Variants in SLC38A7 observed in about 807,000 individuals in gnomAD.
SLC38A7 encodes sodium-coupled neutral amino acid transporter 7.
A neutral mutation model predicts 50.1 loss-of-function variants in SLC38A7; 29 were observed. That is an observed-to-expected ratio of 0.58 (90% CI 0.43 to 0.79). The LOEUF (loss-of-function observed/expected upper bound fraction) is 0.79, where lower values mean the gene tolerates loss of function less well. SLC38A7 is among the 30% of genes least tolerant of loss of function. The pLI, the probability that SLC38A7 is intolerant of heterozygous loss-of-function variation, is 0.00. For missense variants in SLC38A7, 483 were observed against 610.6 expected, an observed-to-expected ratio of 0.79 and a Z score of 2.20; for synonymous variants, 244 against 245.9, an observed-to-expected ratio of 0.99 and a Z score of 0.07.
rs1400025422 is a variant in SLC38A7, at chr16:58,665,884, ACT to A, written c.*1499_*1500del. ...TGAGGAGGCTGGTAAGAGAGCCCCC[ACT>A]GTCCCCAATTATGTGCGTGGGAGAG... On this transcript the variant is annotated 3_prime_UTR_variant, in exon 12 of 12. Coordinates refer to ENST00000219320, the MANE Select transcript of SLC38A7 (RefSeq NM_018231.3). The A allele has an allele frequency of 1.3e-5, 2 of 152,416 alleles. No individual in the cohort carries two copies. Among genetic ancestry groups the A allele is most frequent in the Non-Finnish European group, 2.9e-5 (2 of 68,260 alleles). 9.4% of individuals were successfully genotyped at this position (152,416 alleles called of 1,614,324 possible). A position where few individuals can be genotyped will look rare whatever the true frequency, so the allele number is the denominator to read the frequency against.
Position 58,665,261 on chromosome 16 carries a change from TC to T in SLC38A7, c.*2123del, listed in dbSNP as rs925637496. On this transcript the variant is annotated 3_prime_UTR_variant, in exon 12 of 12. Transcript: ENST00000219320. Reference sequence around the variant, plus strand: ...CAAGAGGCCAGATTCCAGCTCCTTCTCCTGACTGGTCTGTCTCTGTGCAATG... The same window carrying T: ...CAAGAGGCCAGATTCCAGCTCCTTCTCTGACTGGTCTGTCTCTGTGCAATG... 1.3e-5 allele frequency: 2 copies of T among 152,320 alleles called. No homozygotes were observed. The highest frequency in any genetic ancestry group is 4.8e-5 in the African/African-American group (2 of 41,456). The allele number at this position is 152,320 out of a possible 1,614,324, so 9.4% of individuals were successfully genotyped here.
At chr16:58,683,536 C>G (rs549401287) in intron 2 of SLC38A7, 1 of 152,360 alleles carries the variant, frequency 6.6e-6, no homozygotes, top group African/African-American at 2.4e-5. Flanking sequence ...ATCCTGTCAC[C>G]CAACCAGCAA....
At position 58,678,557 on chromosome 16, in the gene SLC38A7, C is replaced by T. The variant is rs981069254; in HGVS notation, c.470-83G>A. On this transcript the variant is annotated intron_variant, in intron 4 of 11. Coordinates refer to ENST00000219320, the MANE Select transcript of SLC38A7 (RefSeq NM_018231.3). The surrounding 1 kb of genome is among the most constrained non-coding windows in gnomAD (Gnocchi z 4.0). Reference sequence around the variant, plus strand: ...TGCTCTGCTGGGCCCCAGGACCTCCCTCTGCCTGGAGGGAGGATTCCCAGA... The same window carrying T: ...TGCTCTGCTGGGCCCCAGGACCTCCTTCTGCCTGGAGGGAGGATTCCCAGA... 1 of 1,554,714 alleles carries T rather than the reference C, an allele frequency of 6.4e-7. No homozygotes were observed. Among genetic ancestry groups the T allele is most frequent in the Non-Finnish European group, 8.7e-7 (1 of 1,145,668 alleles).
At chr16:58,675,167 C>T (rs1220857542) in intron 8 of SLC38A7, 4 of 222,822 alleles carry the variant, frequency 1.8e-5, no homozygotes, top group African/African-American at 7.0e-5. Flanking sequence ...TGAGAAGAAC[C>T]TTCTGTGAAC....
intron 11 of SLC38A7, among the ~76,000 whole-genome samples, chr16:58,668,713 CAAAA>C (rs71155292): frequency 5.9e-5 from 2 of 33,830 alleles, no homozygotes; most frequent in Non-Finnish European, 5.4e-5. Flanking sequence ...AACTCCATCT[CAAAA>C]AAAAAAAAAA....
At chr16:58,676,241 TG>T (rs2044263352) in intron 7 of SLC38A7, 47 bp downstream of exon 7, 1 of 1,612,726 alleles carries the variant, frequency 6.2e-7, no homozygotes, top group Non-Finnish European at 8.5e-7. Flanking sequence ...CATCCCAGGG[TG>T]GGGTGATCTA....
Position 58,677,443 on chromosome 16 carries a change from TAA to T in SLC38A7, c.612-21_612-20del. 6.2e-7 allele frequency: 1 copy of T among 1,609,778 alleles called. No individual in the cohort carries two copies. Among genetic ancestry groups the T allele is most frequent in the Non-Finnish European group, 8.5e-7 (1 of 1,176,044 alleles). ...CAGGAAGCTGCCGGGAAGGAGAGAC[TAA>T]GTGTCCTCATCCCCAGCTGCCTCTT... On this transcript the variant is annotated intron_variant, in intron 5 of 11. Coordinates refer to ENST00000219320, the MANE Select transcript of SLC38A7 (RefSeq NM_018231.3).
At position 58,684,748 on chromosome 16, in the gene SLC38A7, A is replaced by G. The variant is rs985367123; in HGVS notation, c.-371T>C. 4 of 152,266 alleles carry G rather than the reference A, an allele frequency of 2.6e-5. No homozygotes were observed. Among genetic ancestry groups the G allele is most frequent in the Admixed American group, 2.6e-4 (4 of 15,278 alleles). The allele number at this position is 152,266 out of a possible 1,614,324, so 9.4% of individuals were successfully genotyped here. On this transcript the variant is annotated 5_prime_UTR_variant, in exon 1 of 12. Transcript: ENST00000219320. ...GGATTCTTTCCCGAGCCGGCTGCGGAGACACGTGAGCATGCATCACATGAC... is the reference window on the plus strand; with the variant it reads ...GGATTCTTTCCCGAGCCGGCTGCGGGGACACGTGAGCATGCATCACATGAC...
chr16:58,667,519 A>C (rs1439908668), intron 11 of SLC38A7, 32 bp from the exon 12 acceptor site: 1 of 1,532,052 alleles, frequency 6.5e-7, no homozygotes, highest in Non-Finnish European at 8.9e-7. Flanking sequence ...AGGTCTGATC[A>C]GTCATCCCAT....
Position 58,671,488 on chromosome 16 carries a change from A to G in SLC38A7, c.1032-244T>C, listed in dbSNP as rs969847946. On this transcript the variant is annotated intron_variant, in intron 9 of 11. Transcript: ENST00000219320. ...GAAACTGATATTGTTTTTTCCTTAA[A>G]AGGAACTGTCTGGGGCATCCAAAGG... 3.4e-5 allele frequency: 20 copies of G among 580,038 alleles called. No homozygotes were observed. In the Admixed American group the frequency reaches 6.0e-4, roughly 17 times the overall value. The allele number at this position is 580,038 out of a possible 1,614,324, so 35.9% of individuals were successfully genotyped here.
intron 10 of SLC38A7, 126 bp downstream of exon 10, chr16:58,670,919 C>T: frequency 1.0e-6 from 1 of 998,964 alleles, no homozygotes; most frequent in Non-Finnish European, 1.5e-6. Context: ...AGAGGCGAGA[C>T]AGGTGATCAA....
Position 58,679,960 on chromosome 16 carries a change from G to A in SLC38A7, c.167C>T (p.Ala56Val). Residue 56 changes from alanine to valine, a missense_variant, in exon 3 of 12, where the codon GCC becomes GTC. By Grantham distance (64) the Ala-to-Val change is moderately conservative. Transcript: ENST00000219320. ...GCACGCGTTGACGACGATGAAGATG[G>A]CCCCAAGTGTGGAAGTGGTGCCTCT... Reference protein sequence around the residue: ...LDRGTTSTLGAIFIVVNACLG... With the variant: ...LDRGTTSTLGVIFIVVNACLG... The A allele has an allele frequency of 1.2e-6, 2 of 1,611,906 alleles. No individual in the cohort carries two copies. Among genetic ancestry groups the A allele is most frequent in the Non-Finnish European group, 1.7e-6 (2 of 1,178,690 alleles).
At chr16:58,671,638 T>G in intron 9 of SLC38A7, 1 of 257,836 alleles carries the variant, frequency 3.9e-6, no homozygotes, top group East Asian at 8.7e-5. Context: ...CTTGGCTCAC[T>G]GCAGCCTTGA....
At chr16:58,681,496 G>A (rs1189446520) in intron 2 of SLC38A7, 1 of 152,114 alleles carries the variant, frequency 6.6e-6, no homozygotes, top group East Asian at 1.9e-4. Flanking sequence ...AGGATCTTCA[G>A]TGTTCTCAAG....
intron 3 of SLC38A7, 132 bp from the exon 4 acceptor site, chr16:58,679,026 C>T: frequency 1.2e-6 from 1 of 838,780 alleles, no homozygotes; most frequent in Non-Finnish European, 1.8e-6. Flanking sequence ...TTTTAAGAGA[C>T]TGCTAGAGGA....
At chr16:58,683,563 C>G (rs2044435641) in intron 2 of SLC38A7, 1 of 152,306 alleles carries the variant, frequency 6.6e-6, no homozygotes, top group African/African-American at 2.4e-5. Context: ...AAAATCAAAG[C>G]AGTGAGCAGC....
chr16:58,673,936 A>G (rs1236875890), intron 8 of SLC38A7, among the ~76,000 whole-genome samples: 1 of 150,202 alleles, frequency 6.7e-6, no homozygotes, highest in African/African-American at 2.5e-5. Flanking sequence ...AGTGATTCTC[A>G]TGCCTTAGCC....
chr16:58,670,505 T>C (rs1373810009), intron 10 of SLC38A7, among the ~76,000 whole-genome samples: 1 of 152,208 alleles, frequency 6.6e-6, no homozygotes, highest in African/African-American at 2.4e-5. Flanking sequence ...CAGCTGGGGC[T>C]TTCAGGGTGG....
At position 58,665,528 on chromosome 16, in the gene SLC38A7, C is replaced by T. The variant is rs1451567520; in HGVS notation, c.*1857G>A. On this transcript the variant is annotated 3_prime_UTR_variant, in exon 12 of 12. Coordinates refer to ENST00000219320, the MANE Select transcript of SLC38A7 (RefSeq NM_018231.3). ...GACTGGACAGAGGCCCAGCCAGCCT[C>T]CAACCAGCTTCTGCTTCTTAGATCG... 6.5e-6 allele frequency: 1 copy of T among 152,704 alleles called. No individual in the cohort carries two copies. The highest frequency in any genetic ancestry group is 1.9e-4 in the East Asian group (1 of 5,208). The allele number at this position is 152,704 out of a possible 1,614,324, so 9.5% of individuals were successfully genotyped here.
Sources: allele counts gnomAD v4.1 joint callset (sites outside exome capture counted in the v4.1 genomes callset), GRCh38; gene constraint gnomAD v4.1.1; non-coding constraint Gnocchi (gnomAD v3.1); transcripts MANE v1.5; gene names NCBI Gene and HGNC (gene_info 2026-07-23, HGNC 2026-07-21).